Variants in ATP5PD observed in about 807,000 individuals in gnomAD.
ATP5PD encodes the protein ATP synthase peripheral stalk subunit d, mitochondrial.
In ATP5PD, 13 loss-of-function variants were observed where a neutral mutation model predicts 22.6. That is an observed-to-expected ratio of 0.58 (90% CI 0.37 to 0.91). The LOEUF is 0.91. ATP5PD is among the 40% of genes least tolerant of loss of function. The pLI is 0.00. For synonymous variants in ATP5PD, 51 were observed against 65.0 expected, an observed-to-expected ratio of 0.79 and a Z score of 1.03; for missense variants, 165 against 188.0, an observed-to-expected ratio of 0.88 and a Z score of 0.72.
rs745954094 is a variant in ATP5PD, at chr17:75,038,972, T to G, written c.446A>C (p.Lys149Thr). The G allele has an allele frequency of 5.0e-6, 8 of 1,614,172 alleles. No homozygotes were observed. The highest frequency in any genetic ancestry group is 6.8e-6 in the Non-Finnish European group (8 of 1,180,000). The part of the protein sequence containing the change: ...AFPETKLDKK[K>T]YPYWPHQPIE... ...TGGTTGGTGAGGCCAATAGGGATAC[T>G]TTTTCTTGTCTAATTTGGTTTCTGG... The change falls in exon 6 of 6, where the codon AAG becomes ACG. Residue 149 changes from lysine (K) to threonine (T), a missense_variant. Coordinates refer to ENST00000301587, the MANE Select transcript of ATP5PD (RefSeq NM_006356.3).
At position 75,046,651 on chromosome 17, in the gene ATP5PD, G is replaced by C. The variant is rs548348812; in HGVS notation, c.-10+274C>G. On this transcript the variant is annotated intron_variant, in intron 1 of 5. Transcript: ENST00000301587. ...CCAAACTATTGAAGTCTGCCGCGCT[G>C]GGAGCGGACTGCACGAGACACGGCT... Among the ~76,000 whole-genome samples the C allele has an allele frequency of 8.5e-5, 13 of 152,376 alleles. No homozygotes were observed. In the South Asian group the frequency reaches 2.7e-3, roughly 32 times the overall value.
At chr17:75,046,132 GAGTGT>G (rs2073213659) in intron 1 of ATP5PD, among the ~76,000 whole-genome samples, 1 of 152,328 alleles carries the variant, frequency 6.6e-6, no homozygotes, top group East Asian at 1.9e-4. Context: ...GCCTGGGCTG[GAGTGT>G]AGTGGCGTGG....
chr17:75,046,459 A>G (rs998762969), intron 1 of ATP5PD, among the ~76,000 whole-genome samples: 6 of 152,230 alleles, frequency 3.9e-5, no homozygotes, highest in African/African-American at 1.2e-4. Context: ...GAGGTGCTCA[A>G]TGAATCTTTC....
At chr17:75,040,306 A>C (rs1034836353) in intron 3 of ATP5PD, 143 bp from the exon 4 acceptor site, 13 of 934,712 alleles carry the variant, frequency 1.4e-5, no homozygotes, top group Admixed American at 4.0e-5. Context: ...TCTGTGTCCC[A>C]AGCGGAAACG....
At chr17:75,039,417 T>A in intron 4 of ATP5PD, 146 bp from the exon 5 acceptor site, 1 of 663,828 alleles carries the variant, frequency 1.5e-6, no homozygotes, top group Non-Finnish European at 2.6e-6. Flanking sequence ...GCGCTCACTC[T>A]GACAGGCAAA....
intron 3 of ATP5PD, chr17:75,040,507 G>C (rs181850679): frequency 1.7e-5 from 5 of 294,732 alleles, no homozygotes; most frequent in African/African-American, 1.1e-4. Context: ...GAATTGTAAA[G>C]AAATTCTGAT....
chr17:75,039,991 G>A (rs746476235), intron 4 of ATP5PD, 101 bp downstream of exon 4: 4 of 1,263,392 alleles, frequency 3.2e-6, no homozygotes, highest in African/African-American at 3.0e-5. Context: ...TTATATGGCT[G>A]TTAACTCTTC....
Position 75,042,526 on chromosome 17 carries a change from G to C in ATP5PD, c.122+3C>G. On this transcript the variant is annotated splice_donor_region_variant and intron_variant, in intron 2 of 5. Transcript: ENST00000301587. ...TGGGGTTCCCTCTCAGAAACATACTGACCTGGAGGTGAGGGTCTCATTCCA... is the reference window on the plus strand; with the variant it reads ...TGGGGTTCCCTCTCAGAAACATACTCACCTGGAGGTGAGGGTCTCATTCCA... 1 of 1,611,194 alleles carries C rather than the reference G, an allele frequency of 6.2e-7. No homozygotes were observed. Among genetic ancestry groups the C allele is most frequent in the East Asian group, 2.2e-5 (1 of 44,876 alleles).
At chr17:75,041,871 G>A (rs1216109137) in intron 3 of ATP5PD, 7 of 237,304 alleles carry the variant, frequency 2.9e-5, no homozygotes, top group Admixed American at 5.5e-5. Context: ...TCCCAGGAGC[G>A]GGGGACCACC....
chr17:75,041,810 G>A (rs541255786), intron 3 of ATP5PD: 26 of 167,212 alleles, frequency 1.6e-4, no homozygotes, highest in Admixed American at 5.7e-4. Context: ...GGGCTGTAGC[G>A]CGTTATGCCG....
chr17:75,038,882 A>G lies in ATP5PD; in HGVS notation c.*50T>C. ...CAGAACTGTATAATTATTATTTTTA[A>G]TGTCCAGAATGTGTAATACAAGGGC... On this transcript the variant is annotated 3_prime_UTR_variant, in exon 6 of 6. Transcript: ENST00000301587. 1 of 1,560,016 alleles carries G rather than the reference A, an allele frequency of 6.4e-7. No individual in the cohort carries two copies. The highest frequency in any genetic ancestry group is 8.7e-7 in the Non-Finnish European group (1 of 1,151,668).
In ATP5PD at chr17:75,039,217, C is replaced by T. The variant is rs749620539; in HGVS notation, c.346G>A (p.Glu116Lys). 4 of 1,614,096 alleles carry T rather than the reference C, an allele frequency of 2.5e-6. No homozygotes were observed. The Admixed American group carries it at 6.7e-5, about 27-fold the overall frequency. The change falls in exon 5 of 6, where the codon GAG becomes AAG. Residue 116 changes from glutamate (E) to lysine (K), a missense_variant. Transcript: ENST00000301587. ...SLSKARIVEY[E>K]KEMEKMKNLI... ...CTACCCATCATCCTTACCTCTTTCT[C>T]ATATTCTACAATCCTGGCCTTTGAG...
chr17:75,043,654 C>T (rs1310590503), intron 1 of ATP5PD, among the ~76,000 whole-genome samples: 1 of 151,624 alleles, frequency 6.6e-6, no homozygotes, highest in Non-Finnish European at 1.5e-5. Flanking sequence ...TTTATCCCCT[C>T]CATGTGCCTC....
At chr17:75,042,304 G>A in intron 2 of ATP5PD, 27 bp from the exon 3 acceptor site, 1 of 1,610,284 alleles carries the variant, frequency 6.2e-7, no homozygotes, top group South Asian at 1.1e-5. Context: ...GCAAAAGTTA[G>A]GATTGTTCAT....
At chr17:75,046,553 C>T (rs2073219610) in intron 1 of ATP5PD, among the ~76,000 whole-genome samples, 1 of 152,222 alleles carries the variant, frequency 6.6e-6, no homozygotes, top group Non-Finnish European at 1.5e-5. Context: ...AGGGGAAGGG[C>T]GCAGCCCCGC....
At chr17:75,039,335 G>A (rs2073134919) in intron 4 of ATP5PD, 64 bp from the exon 5 acceptor site, 1 of 1,467,736 alleles carries the variant, frequency 6.8e-7, no homozygotes, top group South Asian at 1.1e-5. Context: ...CAGCTGCTAA[G>A]GTAGGAGTCG....
chr17:75,039,294 A>G (rs1170774029), intron 4 of ATP5PD, 23 bp from the exon 5 acceptor site: 5 of 1,611,956 alleles, frequency 3.1e-6, no homozygotes, highest in Non-Finnish European at 4.2e-6. Flanking sequence ...AGAGAAATTC[A>G]GTTCTGAAAC....
At chr17:75,042,017 C>A in intron 3 of ATP5PD, 164 bp downstream of exon 3, 1 of 588,896 alleles carries the variant, frequency 1.7e-6, no homozygotes. Flanking sequence ...TAAATTCCTG[C>A]ACCTATTTAC....
chr17:75,042,175 T>A lies in ATP5PD; in HGVS notation c.219+6A>T. ...AGCTCAGTGCTTTAGAGGTGTGAAGTCTCACCTTCTTCTCAAAGTCATCCA... is the reference window on the plus strand; with the variant it reads ...AGCTCAGTGCTTTAGAGGTGTGAAGACTCACCTTCTTCTCAAAGTCATCCA... On this transcript the variant is annotated splice_donor_region_variant and intron_variant, in intron 3 of 5. Coordinates refer to ENST00000301587, the MANE Select transcript of ATP5PD (RefSeq NM_006356.3). The A allele has an allele frequency of 3.1e-6, 5 of 1,613,070 alleles. No individual in the cohort carries two copies. The highest frequency in any genetic ancestry group is 4.2e-6 in the Non-Finnish European group (5 of 1,179,292).
Sources: gnomAD v4.1 joint callset for allele counts (sites outside exome capture counted in the v4.1 genomes callset) on GRCh38, gnomAD v4.1.1 for gene constraint, MANE v1.5 for transcripts, NCBI Gene and HGNC (gene_info 2026-07-23, HGNC 2026-07-21) for gene names.